The following SEMA5A variants were observed in gnomAD, a reference collection of about 807,000 sequenced individuals.
SEMA5A encodes the protein semaphorin-5A.
Under a neutral mutation model 135.5 loss-of-function variants are expected in SEMA5A, and 55 were observed. The observed-to-expected ratio is 0.41, with a 90% CI of 0.33 to 0.51. The LOEUF (loss-of-function observed/expected upper bound fraction) is 0.51, where lower values mean the gene tolerates loss of function less well. Ranked by LOEUF, SEMA5A falls within the 20% of genes least tolerant of loss-of-function variation. The pLI is 0.37. For synonymous variants in SEMA5A, 580 were observed against 546.5 expected, an observed-to-expected ratio of 1.06 and a Z score of -0.85; for missense variants, 1,290 against 1,419.9, an observed-to-expected ratio of 0.91 and a Z score of 1.47.
At chr5:9,190,791 T>C (rs549831894) in intron 10 of SEMA5A, among the ~76,000 whole-genome samples, 16 of 152,352 alleles carry the variant, frequency 1.1e-4, no homozygotes, top group Admixed American at 9.8e-4. Context: ...CCCGTCGAGT[T>C]ACTTGAAAGC....
chr5:9,461,848 C>T (rs967748811), intron 1 of SEMA5A, among the ~76,000 whole-genome samples: 1 of 152,184 alleles, frequency 6.6e-6, no homozygotes, highest in Admixed American at 6.5e-5. Flanking sequence ...TATGTATGAA[C>T]GTACTCCACA....
intron 12 of SEMA5A, among the ~76,000 whole-genome samples, chr5:9,146,222 T>G (rs1579478096): frequency 6.6e-6 from 1 of 152,182 alleles, no homozygotes; most frequent in Non-Finnish European, 1.5e-5. Flanking sequence ...CATGTCTTCC[T>G]CACTGTCCTA....
intron 11 of SEMA5A, among the ~76,000 whole-genome samples, chr5:9,156,242 G>C (rs770981970): frequency 1.3e-5 from 2 of 152,130 alleles, no homozygotes; most frequent in Non-Finnish European, 2.9e-5. Flanking sequence ...ATTTTGACTT[G>C]GACATCACAG....
intron 16 of SEMA5A, among the ~76,000 whole-genome samples, chr5:9,093,666 C>G (rs1004419058): frequency 5.1e-4 from 78 of 151,530 alleles, no homozygotes; most frequent in African/African-American, 1.8e-3. Flanking sequence ...GAGATTCAGC[C>G]TGGGTGACAG....
Position 9,197,281 on chromosome 5 carries a change from C to T in SEMA5A, c.955G>A (p.Val319Met). The change falls in exon 10 of 23, where the codon GTG becomes ATG. Residue 319 changes from valine (V) to methionine (M), a missense_variant. Physicochemically the swap from Val to Met is conservative, Grantham distance 21 (BLOSUM62 1). Transcript: ENST00000382496. The part of the protein sequence containing the change: ...TNVNSIAASA[V>M]CVFNLSAIAQ... ...ATGGCGCTCAGGTTGAAGACGCACA[C>T]AGCTGAGGCCGCAATGCTGTTCCTG... 2 of 1,613,702 alleles carry T rather than the reference C, an allele frequency of 1.2e-6. No individual in the cohort carries two copies. The highest frequency in any genetic ancestry group is 1.7e-6 in the Non-Finnish European group (2 of 1,179,902).
At chr5:9,122,958 C>T (rs1316001992) in intron 13 of SEMA5A, 121 bp from the exon 14 acceptor site, 6 of 973,608 alleles carry the variant, frequency 6.2e-6, no homozygotes, top group Non-Finnish European at 7.2e-6. Flanking sequence ...GTTGTTGTTG[C>T]TGCAGTTAGA....
intron 1 of SEMA5A, among the ~76,000 whole-genome samples, chr5:9,476,368 T>A (rs1759667422): frequency 6.6e-6 from 1 of 152,144 alleles, no homozygotes. Flanking sequence ...TTTTTTTTTT[T>A]AATCTTTACC....
chr5:9,227,203 G>A (rs1050168599), intron 6 of SEMA5A, among the ~76,000 whole-genome samples: 1 of 152,066 alleles, frequency 6.6e-6, no homozygotes, highest in Non-Finnish European at 1.5e-5. Context: ...AAATTTAATT[G>A]CTGTATCTGC....
chr5:9,390,036 T>C (rs954106587), intron 2 of SEMA5A, among the ~76,000 whole-genome samples: 3 of 152,236 alleles, frequency 2.0e-5, no homozygotes, highest in African/African-American at 7.2e-5. Flanking sequence ...CCTCTGTACC[T>C]CTTTACAATA....
chr5:9,045,300 G>A lies in SEMA5A; in HGVS notation c.2894-716C>T, dbSNP rs892415188. The stretch of plus-strand genomic sequence containing the variant: ...GGGTTGAGCCTCCCTGTGCAGCAGG[G>A]CTGTGTCCTGAAAACAAGGGAGAAG... On this transcript the variant is annotated intron_variant, in intron 21 of 22. Coordinates refer to ENST00000382496, the MANE Select transcript of SEMA5A (RefSeq NM_003966.3). 3.3e-5 allele frequency among the ~76,000 whole-genome samples: 5 copies of A among 152,286 alleles called. No homozygotes were observed. The East Asian group carries it at 9.6e-4, about 29-fold the overall frequency.
intron 10 of SEMA5A, among the ~76,000 whole-genome samples, chr5:9,194,249 GA>G (rs1475607422): frequency 6.6e-6 from 1 of 152,022 alleles, no homozygotes; most frequent in Admixed American, 6.6e-5. Flanking sequence ...TATTTTGTCC[GA>G]AAAAAATGAT....
intron 5 of SEMA5A, among the ~76,000 whole-genome samples, chr5:9,255,070 A>T (rs1364346801): frequency 6.6e-6 from 1 of 152,162 alleles, no homozygotes; most frequent in Non-Finnish European, 1.5e-5. Context: ...GTCAGTTTAA[A>T]GAGCTCCATC....
intron 2 of SEMA5A, among the ~76,000 whole-genome samples, chr5:9,420,103 A>G (rs1175680547): frequency 5.3e-5 from 8 of 152,094 alleles, no homozygotes; most frequent in Admixed American, 2.0e-4. Context: ...ACTTGCACAC[A>G]TGATGGAGCG....
chr5:9,347,542 ATT>A (rs1158934307), intron 3 of SEMA5A, among the ~76,000 whole-genome samples: 1 of 151,382 alleles, frequency 6.6e-6, no homozygotes, highest in Non-Finnish European at 1.5e-5. Flanking sequence ...TGTGTCACAC[ATT>A]TTTTTCTTTT....
rs1561176555 is a variant in SEMA5A at position 9,353,085 on chromosome 5, A to AAAGG, written c.125-15277_125-15274dup. 1.6e-3 allele frequency among the ~76,000 whole-genome samples: 22 copies of AAAGG among 13,348 alleles called. 1 individual carries two copies. Among genetic ancestry groups the AAAGG allele is most frequent in the Non-Finnish European group, 2.9e-3 (16 of 5,566 alleles). 8.8% of individuals were successfully genotyped at this position (13,348 alleles called of 152,430 possible). A position where few individuals can be genotyped will look rare whatever the true frequency, so the allele number is the denominator to read the frequency against. On this transcript the variant is annotated intron_variant, in intron 3 of 22. Transcript: ENST00000382496. ...GAAGGAAAGGAAAGGAAAGGAAAGGAAAGGAAAGGAAGGAAGGAAAGGAAA... is the reference window on the plus strand; with the variant it reads ...GAAGGAAAGGAAAGGAAAGGAAAGGAAAGGAAGGAAAGGAAGGAAGGAAAGGAAA...
At chr5:9,065,719 A>G (rs1483963801) in intron 17 of SEMA5A, among the ~76,000 whole-genome samples, 1 of 152,234 alleles carries the variant, frequency 6.6e-6, no homozygotes, top group Admixed American at 6.5e-5. Flanking sequence ...GAAATGAAGA[A>G]CAAAGCAAAG....
intron 12 of SEMA5A, among the ~76,000 whole-genome samples, chr5:9,146,988 G>T (rs1247710614): frequency 6.6e-6 from 1 of 152,108 alleles, no homozygotes; most frequent in African/African-American, 2.4e-5. Flanking sequence ...AATGAGTAAG[G>T]TTGTCTGGCT....
chr5:9,312,113 G>A (rs1453406239), intron 5 of SEMA5A, among the ~76,000 whole-genome samples: 1 of 152,046 alleles, frequency 6.6e-6, no homozygotes, highest in East Asian at 1.9e-4. Context: ...GATCCCAGAT[G>A]GGCAAATGCT....
At chr5:9,099,455 C>T (rs531581231) in intron 16 of SEMA5A, among the ~76,000 whole-genome samples, 12 of 152,138 alleles carry the variant, frequency 7.9e-5, no homozygotes, top group East Asian at 3.9e-4. Flanking sequence ...ATTCCCTTTA[C>T]GGAAGAATAT....
Sources: gnomAD v4.1 joint callset for allele counts (sites outside exome capture counted in the v4.1 genomes callset) on GRCh38, gnomAD v4.1.1 for gene constraint, MANE v1.5 for transcripts, NCBI Gene and HGNC (gene_info 2026-07-23, HGNC 2026-07-21) for gene names.